Variants in FAS observed in about 807,000 individuals in gnomAD.
FAS encodes tumor necrosis factor receptor superfamily member 6.
A neutral mutation model predicts 33.2 loss-of-function variants in FAS; 5 were observed. That is an observed-to-expected ratio of 0.15 (90% CI 0.08 to 0.32). The LOEUF (loss-of-function observed/expected upper bound fraction) is 0.32, where lower values mean the gene tolerates loss of function less well. FAS is among the 10% of genes least tolerant of loss of function. The pLI, the probability that FAS is intolerant of heterozygous loss-of-function variation, is 1.00. For missense variants in FAS, 339 were observed against 386.0 expected, an observed-to-expected ratio of 0.88 and a Z score of 1.02; for synonymous variants, 131 against 130.7, an observed-to-expected ratio of 1.00 and a Z score of -0.01.
rs1178177507 is a variant in FAS, at chr10:89,014,924, T to C, written c.*474T>C. ...GATAATTCTAGAGATTTTACCATAT[T>C]TCTAAACTTTGTTTATAACTCTGAG... On this transcript the variant is annotated 3_prime_UTR_variant, in exon 9 of 9. Coordinates refer to ENST00000652046, the MANE Select transcript of FAS (RefSeq NM_000043.6). 1.9e-6 allele frequency: 1 copy of C among 534,956 alleles called. No homozygotes were observed. The highest frequency in any genetic ancestry group is 1.9e-5 in the African/African-American group (1 of 53,922). 33.1% of individuals were successfully genotyped at this position (534,956 alleles called of 1,614,324 possible).
chr10:89,002,860 C>T (rs1848006250), intron 1 of FAS, 169 bp from the exon 2 acceptor site: 1 of 701,032 alleles, frequency 1.4e-6, no homozygotes, highest in East Asian at 2.8e-5. Flanking sequence ...AACTGCTATA[C>T]AAGTGACCTG....
chr10:89,012,654 G>C (rs1346426344), intron 7 of FAS: 1 of 157,344 alleles, frequency 6.4e-6, no homozygotes, highest in Non-Finnish European at 1.4e-5. Context: ...AAAGAACTTG[G>C]CCAACCTCCA....
chr10:89,013,403 A>G (rs771812851), intron 8 of FAS, 36 bp downstream of exon 8: 2 of 1,602,308 alleles, frequency 1.2e-6, no homozygotes, highest in African/African-American at 2.7e-5. Context: ...TAGAGATGGC[A>G]TCCTTTAGAG....
chr10:88,988,310 A>T (rs1846968764), upstream of FAS, among the ~76,000 whole-genome samples: 1 of 152,240 alleles, frequency 6.6e-6, no homozygotes, highest in Non-Finnish European at 1.5e-5. Flanking sequence ...AGTTATTAAA[A>T]TCAACTTATT....
chr10:88,974,788 T>G (rs1846526676), intron 2 of FAS: 1 of 152,232 alleles, frequency 6.6e-6, no homozygotes, highest in East Asian at 1.9e-4. Flanking sequence ...GGGATCCTGA[T>G]TAATGCTCTA....
chr10:88,965,079 T>C (rs1846297519), intron 1 of FAS, among the ~76,000 whole-genome samples: 1 of 152,198 alleles, frequency 6.6e-6, no homozygotes, highest in Admixed American at 6.5e-5. Flanking sequence ...ATTTTAAAAG[T>C]CTACTCAAAA....
chr10:88,998,045 A>G (rs147033629), intron 1 of FAS, among the ~76,000 whole-genome samples: 11 of 152,366 alleles, frequency 7.2e-5, no homozygotes, highest in Non-Finnish European at 1.6e-4. Flanking sequence ...AATGTCTCAC[A>G]AATCAAGAAT....
intron 1 of FAS, among the ~76,000 whole-genome samples, chr10:89,001,973 G>A (rs1318828349): frequency 2.0e-5 from 3 of 152,170 alleles, no homozygotes; most frequent in African/African-American, 7.2e-5. Context: ...TCAGGGCAGG[G>A]CTGGCAAGTT....
chr10:88,983,170 A>G (rs966188420), upstream of FAS, among the ~76,000 whole-genome samples: 3 of 152,186 alleles, frequency 2.0e-5, no homozygotes, highest in African/African-American at 7.2e-5. Context: ...CTTTATTTCA[A>G]TCCAATTTGC....
In FAS at chr10:89,016,983, T is replaced by A. The variant is rs1308573716; in HGVS notation, c.*2533T>A. 5.5e-6 allele frequency: 1 copy of A among 182,894 alleles called. No individual in the cohort carries two copies. Among genetic ancestry groups the A allele is most frequent in the Non-Finnish European group, 1.2e-5 (1 of 85,928 alleles). The allele number at this position is 182,894 out of a possible 1,614,324, so 11.3% of individuals were successfully genotyped here. ...ATGCTTACTCCTGATTGGTAATTTG[T>A]TTGGGTTTAGAATTCTATACAAGGC... On this transcript the variant is annotated 3_prime_UTR_variant, in exon 9 of 9. Transcript: ENST00000652046.
chr10:89,007,721 G>A lies in FAS; in HGVS notation c.218G>A (p.Cys73Tyr), dbSNP rs2133502355. Residue 73 changes from cysteine to tyrosine, a missense_variant, in exon 3 of 9, where the codon TGC becomes TAC. Cys to Tyr is a radical substitution (Grantham distance 194). This residue lies in a region of FAS where 276 missense variants were observed against 300.1 expected (regional missense o/e 0.92). Transcript: ENST00000652046. ...CPPGERKARDCTVNGDEPDCV... is the reference protein window; with the variant it reads ...CPPGERKARDYTVNGDEPDCV... ...GCAGGTGAAAGGAAAGCTAGGGACT[G>A]CACAGTCAATGGGGATGAACCAGAC... 1 of 1,613,950 alleles carries A rather than the reference G, an allele frequency of 6.2e-7. No individual in the cohort carries two copies. Among genetic ancestry groups the A allele is most frequent in the Admixed American group, 1.7e-5 (1 of 59,966 alleles).
chr10:88,972,943 G>T (rs964502191), intron 1 of FAS, among the ~76,000 whole-genome samples: 7 of 152,124 alleles, frequency 4.6e-5, no homozygotes, highest in African/African-American at 1.7e-4. Flanking sequence ...GATTGTGTTT[G>T]TGTATGTGTA....
At chr10:89,013,980 A>G (rs1848658485) in intron 8 of FAS, 139 bp from the exon 9 acceptor site, 2 of 827,364 alleles carry the variant, frequency 2.4e-6, no homozygotes, top group Non-Finnish European at 3.7e-6. Flanking sequence ...TTGTTTCTGT[A>G]TTCCCCTAGT....
intron 1 of FAS, among the ~76,000 whole-genome samples, chr10:88,993,643 G>C (rs1847407238): frequency 1.3e-5 from 2 of 152,314 alleles, no homozygotes; most frequent in African/African-American, 4.8e-5. Flanking sequence ...ATACAGAATA[G>C]TTTTGTGGGG....
intron 2 of FAS, chr10:88,974,505 G>C (rs1313122547): frequency 6.6e-6 from 1 of 152,116 alleles, no homozygotes; most frequent in East Asian, 1.9e-4. Context: ...TGTAGCCAGT[G>C]AGATCAGTTA....
At position 89,015,393 on chromosome 10, in the gene FAS, G is replaced by T. The variant is rs1848753285; in HGVS notation, c.*943G>T. The T allele has an allele frequency of 3.8e-6, 2 of 530,828 alleles. No individual in the cohort carries two copies. The highest frequency in any genetic ancestry group is 4.5e-5 in the Admixed American group (2 of 44,838). 32.9% of individuals were successfully genotyped at this position (530,828 alleles called of 1,614,324 possible). A position where few individuals can be genotyped will look rare whatever the true frequency, so the allele number is the denominator to read the frequency against. On this transcript the variant is annotated 3_prime_UTR_variant, in exon 9 of 9. Transcript: ENST00000652046. ...TCATGAACCCATGTTTGCAATCAAA[G>T]ATGATAAAATAGATTCTTATTTTTC...
chr10:88,977,273 C>T (rs1846586769), intron 2 of FAS, among the ~76,000 whole-genome samples: 1 of 151,704 alleles, frequency 6.6e-6, no homozygotes, highest in African/African-American at 2.4e-5. Context: ...CCTAGGTTTT[C>T]TTCTAGGGTT....
intron 1 of FAS, among the ~76,000 whole-genome samples, chr10:88,967,245 G>T (rs1429586617): frequency 1.3e-5 from 2 of 152,156 alleles, no homozygotes; most frequent in Non-Finnish European, 2.9e-5. Flanking sequence ...ATTTGAGATA[G>T]TTGGAACAGG....
intron 1 of FAS, among the ~76,000 whole-genome samples, chr10:88,998,854 C>T (rs1269721326): frequency 1.3e-5 from 2 of 152,000 alleles, no homozygotes; most frequent in East Asian, 1.9e-4. Flanking sequence ...GTCAACACTC[C>T]CCTTTACAAA....
Sources: gnomAD v4.1 joint callset for allele counts (sites outside exome capture counted in the v4.1 genomes callset) on GRCh38, gnomAD v4.1.1 for gene constraint, gnomAD v4.1.1 regional missense constraint, MANE v1.5 for transcripts, NCBI Gene and HGNC (gene_info 2026-07-23, HGNC 2026-07-21) for gene names.